Variants in TTC7B observed in about 807,000 individuals in gnomAD.
TTC7B encodes tetratricopeptide repeat domain 7B, also known as tetratricopeptide repeat protein 7B.
TTC7B carries 28 observed loss-of-function variants against 106.8 expected under a neutral mutation model. The observed-to-expected ratio is 0.26, with a 90% confidence interval of 0.19 to 0.36. The LOEUF (loss-of-function observed/expected upper bound fraction) is 0.36. Among genes scored for constraint, TTC7B ranks in the 10% least tolerant of loss-of-function variants. TTC7B has a pLI of 1.00. For missense variants in TTC7B, 862 were observed against 1,076.4 expected (o/e 0.80, Z 2.79); for synonymous variants, 405 against 430.6 (o/e 0.94, Z 0.74).
At chr14:90,629,825 C>T (rs1566807555) in intron 15 of TTC7B, among the ~76,000 whole-genome samples, 1 of 152,254 alleles carries the variant, frequency 6.6e-6, no homozygotes, top group Non-Finnish European at 1.5e-5. Flanking sequence ...TTCTGAGCCC[C>T]CGGCGGTCAG....
At chr14:90,662,399 A>T (rs1886244157) in intron 9 of TTC7B, among the ~76,000 whole-genome samples, 1 of 152,200 alleles carries the variant, frequency 6.6e-6, no homozygotes, top group South Asian at 2.1e-4. Context: ...CAGATGGATA[A>T]GTTACTTTTC....
chr14:90,699,322 T>C (rs1477870705), intron 5 of TTC7B: 1 of 421,834 alleles, frequency 2.4e-6, no homozygotes, highest in Non-Finnish European at 4.7e-6. Flanking sequence ...GACATGAGAA[T>C]CATTTCAGCT....
chr14:90,718,999 G>A (rs560953085), intron 5 of TTC7B, among the ~76,000 whole-genome samples: 21 of 152,114 alleles, frequency 1.4e-4, no homozygotes, highest in African/African-American at 2.9e-4. Context: ...AGTGGCTTGC[G>A]CCTGTAATCC....
In TTC7B at chr14:90,615,326, G is replaced by A. The variant is rs1261141956; in HGVS notation, c.1868+2603C>T. On this transcript the variant is annotated intron_variant, in intron 16 of 19. Transcript: ENST00000328459. ...TGCCCTGGAGGCCTGTGCAGAGCCT[G>A]GGGTGGATCTGGAAGGGGGTGGGAA... is the stretch of plus-strand genomic sequence containing the variant. Among the ~76,000 whole-genome samples the A allele has an allele frequency of 1.3e-5, 2 of 152,214 alleles. 1 individual carries two copies. The highest frequency in any genetic ancestry group is 2.9e-5 in the Non-Finnish European group (2 of 68,036).
At chr14:90,582,758 T>C (rs751861286) in intron 18 of TTC7B, among the ~76,000 whole-genome samples, 10 of 152,206 alleles carry the variant, frequency 6.6e-5, no homozygotes, top group Admixed American at 2.6e-4. Context: ...CATTTCACCA[T>C]GGCCCCTTAA....
chr14:90,614,322 C>T (rs1189261418), intron 16 of TTC7B, among the ~76,000 whole-genome samples: 1 of 152,208 alleles, frequency 6.6e-6, no homozygotes, highest in Non-Finnish European at 1.5e-5. Context: ...AGAAAAGCTC[C>T]ACCCAAATGC....
At chr14:90,542,061 T>TC (rs1318153793) in intron 19 of TTC7B, among the ~76,000 whole-genome samples, 1 of 152,102 alleles carries the variant, frequency 6.6e-6, no homozygotes, top group African/African-American at 2.4e-5. Context: ...TGCCTCAGCC[T>TC]CCCCAGTAGC....
At chr14:90,751,933 A>G (rs1289957634) in intron 3 of TTC7B, among the ~76,000 whole-genome samples, 2 of 152,132 alleles carry the variant, frequency 1.3e-5, no homozygotes, top group Non-Finnish European at 2.9e-5. Flanking sequence ...CTTATAAGGG[A>G]GCCCATTAGC....
At chr14:90,596,296 G>T (rs1479579270) in intron 17 of TTC7B, among the ~76,000 whole-genome samples, 18 of 152,108 alleles carry the variant, frequency 1.2e-4, no homozygotes, top group Non-Finnish European at 1.5e-5. Flanking sequence ...TGGATTAACT[G>T]TTTTGTTTGG....
chr14:90,736,533 C>A (rs867830689), intron 4 of TTC7B, among the ~76,000 whole-genome samples: 12 of 151,982 alleles, frequency 7.9e-5, no homozygotes, highest in African/African-American at 2.4e-4. Context: ...GATCACTCCA[C>A]TGCACTCCAG....
At chr14:90,609,725 T>C (rs1892799687) in intron 17 of TTC7B, among the ~76,000 whole-genome samples, 1 of 152,178 alleles carries the variant, frequency 6.6e-6, no homozygotes, top group Non-Finnish European at 1.5e-5. Context: ...AGGAGCAGGT[T>C]CCAAATGATG....
At chr14:90,765,440 CTT>C (rs1435314234) in intron 3 of TTC7B, among the ~76,000 whole-genome samples, 8 of 152,222 alleles carry the variant, frequency 5.3e-5, no homozygotes, top group Middle Eastern at 3.4e-3. Flanking sequence ...GAATTGTACA[CTT>C]TAAAGGGTTG....
chr14:90,753,637 G>A (rs754758197), intron 3 of TTC7B, among the ~76,000 whole-genome samples: 18 of 152,166 alleles, frequency 1.2e-4, no homozygotes, highest in South Asian at 6.2e-4. Context: ...CAGGGACGCC[G>A]GCCTGGATCC....
intron 11 of TTC7B, among the ~76,000 whole-genome samples, chr14:90,656,142 T>C (rs1293694706): frequency 6.6e-6 from 1 of 152,214 alleles, no homozygotes; most frequent in Non-Finnish European, 1.5e-5. Flanking sequence ...ACATCTTTTC[T>C]ACATTTTCCC....
At chr14:90,655,860 TA>T (rs1885926492) in intron 11 of TTC7B, among the ~76,000 whole-genome samples, 1 of 152,150 alleles carries the variant, frequency 6.6e-6, no homozygotes, top group Non-Finnish European at 1.5e-5. Context: ...TTGTTACTCT[TA>T]TTTTTTTTAA....
At position 90,541,265 on chromosome 14, in the gene TTC7B, G is replaced by C. The variant is rs1889567944; in HGVS notation, c.*103C>G. On this transcript the variant is annotated 3_prime_UTR_variant, in exon 20 of 20. Transcript: ENST00000328459. ...GTGGCCCACTGAACACTCGTCCCTGGCCTCAGTGTGGCAGATTCATCCCCT... is the reference window on the plus strand; with the variant it reads ...GTGGCCCACTGAACACTCGTCCCTGCCCTCAGTGTGGCAGATTCATCCCCT... The C allele has an allele frequency of 3.7e-6, 4 of 1,092,040 alleles. No homozygotes were observed. Among genetic ancestry groups the C allele is most frequent in the Non-Finnish European group, 5.2e-6 (4 of 776,502 alleles). 67.6% of individuals were successfully genotyped at this position (1,092,040 alleles called of 1,614,324 possible).
chr14:90,581,330 T>C (rs998074421), intron 18 of TTC7B, among the ~76,000 whole-genome samples: 1 of 152,162 alleles, frequency 6.6e-6, no homozygotes, highest in Admixed American at 6.5e-5. Context: ...GGGGACTCTA[T>C]AGGGACAAAG....
At chr14:90,634,701 G>A (rs1264444536) in intron 15 of TTC7B, among the ~76,000 whole-genome samples, 3 of 152,182 alleles carry the variant, frequency 2.0e-5, no homozygotes, top group Non-Finnish European at 4.4e-5. Flanking sequence ...GAACCCGAGA[G>A]GCAGAGGTTG....
chr14:90,717,078 G>A (rs1888685720), intron 5 of TTC7B, among the ~76,000 whole-genome samples: 1 of 152,146 alleles, frequency 6.6e-6, no homozygotes, highest in African/African-American at 2.4e-5. Flanking sequence ...GGTGACTCAC[G>A]CCTGTAATCC....
Sources: gnomAD v4.1 joint callset for allele counts (sites outside exome capture counted in the v4.1 genomes callset) on GRCh38, gnomAD v4.1.1 for gene constraint, MANE v1.5 for transcripts, NCBI Gene and HGNC (gene_info 2026-07-23, HGNC 2026-07-21) for gene names.